The following SLC39A12 variants were observed in gnomAD, a reference collection of about 807,000 sequenced individuals.
SLC39A12 encodes the protein solute carrier family 39 member 12.
Under a neutral mutation model 71.1 loss-of-function variants are expected in SLC39A12, and 63 were observed. The ratio of observed to expected loss-of-function variants is 0.89; its 90% CI spans 0.72 to 1.09. The LOEUF is 1.09. Ranked by LOEUF, SLC39A12 falls within the 50% of genes least tolerant of loss-of-function variation. The probability of loss-of-function intolerance (pLI) is 0.00; values close to 1 mark genes in which losing one functional copy is unlikely to be tolerated. For missense variants in SLC39A12, 892 were observed against 812.6 expected (o/e 1.10, Z -1.19); for synonymous variants, 351 against 301.3 (o/e 1.16, Z -1.71).
intron 6 of SLC39A12, among the ~76,000 whole-genome samples, chr10:17,983,005 G>A (rs904327867): frequency 1.3e-5 from 2 of 150,802 alleles, no homozygotes; most frequent in Non-Finnish European, 3.0e-5. Flanking sequence ...CCTGGCTAAC[G>A]CAGTGAAACC....
chr10:17,962,353 T>G (rs1554848513), intron 3 of SLC39A12, among the ~76,000 whole-genome samples: 1 of 152,246 alleles, frequency 6.6e-6, no homozygotes, highest in African/African-American at 2.4e-5. Flanking sequence ...GATATCCCTT[T>G]GTGGTTTTGA....
At chr10:17,986,300 A>C (rs765474654) in intron 6 of SLC39A12, among the ~76,000 whole-genome samples, 6 of 152,224 alleles carry the variant, frequency 3.9e-5, no homozygotes, top group Non-Finnish European at 8.8e-5. Context: ...GAGTAACTTC[A>C]AAACAACACG....
intron 2 of SLC39A12, among the ~76,000 whole-genome samples, chr10:17,954,313 G>A (rs1335109082): frequency 1.3e-5 from 2 of 152,132 alleles, no homozygotes; most frequent in Admixed American, 6.5e-5. Flanking sequence ...GAGTGCAATG[G>A]CATAATCTTG....
chr10:18,022,587 T>G (rs1449986361), intron 12 of SLC39A12, among the ~76,000 whole-genome samples: 1 of 152,218 alleles, frequency 6.6e-6, no homozygotes, highest in African/African-American at 2.4e-5. Flanking sequence ...CTCTTGAATC[T>G]CGATGATCTT....
chr10:18,023,071 G>C (rs1334194800), intron 12 of SLC39A12, among the ~76,000 whole-genome samples: 1 of 151,970 alleles, frequency 6.6e-6, no homozygotes, highest in Non-Finnish European at 1.5e-5. Context: ...TTGAGTGCTG[G>C]TCACAGATCT....
chr10:17,984,953 C>A (rs1016196310), intron 6 of SLC39A12, among the ~76,000 whole-genome samples: 1 of 152,206 alleles, frequency 6.6e-6, no homozygotes, highest in African/African-American at 2.4e-5. Context: ...ACTGCCAACT[C>A]TATTTTAATA....
At chr10:17,992,088 C>CAA (rs59014549) in intron 8 of SLC39A12, among the ~76,000 whole-genome samples, 58 of 87,178 alleles carry the variant, frequency 6.7e-4, no homozygotes, top group African/African-American at 1.0e-3. Context: ...GACTCCATCT[C>CAA]AAAAAAAAAA....
At chr10:17,990,148 T>C (rs1034382832) in intron 7 of SLC39A12, among the ~76,000 whole-genome samples, 4 of 152,186 alleles carry the variant, frequency 2.6e-5, no homozygotes, top group African/African-American at 9.6e-5. Context: ...TTTTATGATA[T>C]TACAAATGTT....
intron 12 of SLC39A12, among the ~76,000 whole-genome samples, chr10:18,030,483 C>T (rs553226731): frequency 4.7e-4 from 72 of 152,072 alleles, no homozygotes; most frequent in South Asian, 1.2e-3. Flanking sequence ...TCGTGATCCG[C>T]CTGCCTCGGC....
chr10:18,008,158 C>T lies in SLC39A12; in HGVS notation c.1947+4800C>T, dbSNP rs183571611. On this transcript the variant is annotated intron_variant, in intron 12 of 12. Transcript: ENST00000377369. ...CCCCTGGTCCTGTTAGGAACGAGGCCGCACAGTAGGAGGTGAGCGGCAGGT... is the reference window on the plus strand; with the variant it reads ...CCCCTGGTCCTGTTAGGAACGAGGCTGCACAGTAGGAGGTGAGCGGCAGGT... 6.4e-3 allele frequency among the ~76,000 whole-genome samples: 968 copies of T among 152,238 alleles called. 2 individuals carry two copies. The highest frequency in any genetic ancestry group is 0.01 in the Non-Finnish European group (713 of 68,008).
chr10:17,993,336 C>T lies in SLC39A12; in HGVS notation c.1533+45C>T, dbSNP rs572280509. 6 of 1,240,690 alleles carry T rather than the reference C, an allele frequency of 4.8e-6. No homozygotes were observed. In the South Asian group the frequency reaches 5.3e-5, roughly 11 times the overall value. The allele number at this position is 1,240,690 out of a possible 1,614,324, so 76.9% of individuals were successfully genotyped here. ...CATTCTACTGATCTGATTACCTTCT[C>T]TCCTTTATTCCTCAATGAACAAATG... On this transcript the variant is annotated intron_variant, in intron 9 of 12. Coordinates refer to ENST00000377369, the MANE Select transcript of SLC39A12 (RefSeq NM_001145195.2).
intron 4 of SLC39A12, among the ~76,000 whole-genome samples, chr10:17,972,223 A>C (rs193288570): frequency 6.6e-6 from 1 of 152,304 alleles, no homozygotes; most frequent in East Asian, 1.9e-4. Flanking sequence ...TTTTTTAAAA[A>C]ATATGTTGAG....
chr10:17,958,056 T>C (rs1490645640), intron 2 of SLC39A12, among the ~76,000 whole-genome samples: 1 of 152,206 alleles, frequency 6.6e-6, no homozygotes, highest in Non-Finnish European at 1.5e-5. Flanking sequence ...ACCTTCCATA[T>C]TGTATGCCTT....
chr10:17,987,003 T>TCAAAAACAA (rs1304816937), intron 6 of SLC39A12, among the ~76,000 whole-genome samples: 2 of 152,038 alleles, frequency 1.3e-5, no homozygotes, highest in African/African-American at 4.8e-5. Flanking sequence ...AGAACCTGTC[T>TCAAAAACAA]CAAAAACAAC....
Position 17,965,489 on chromosome 10 carries a change from G to A in SLC39A12, c.550G>A (p.Glu184Lys), listed in dbSNP as rs1834801056. Residue 184 changes from glutamate (E) to lysine (K), a missense_variant, in exon 4 of 13, where the codon GAA (glutamate) becomes AAA (lysine). Physicochemically the swap from Glu to Lys is moderately conservative, Grantham distance 56 (BLOSUM62 1). Transcript: ENST00000377369. ...YFDTSQSQCM[E>K]TKTLQKKSGI... ...ATTTTGTATCTGATTTCAGTGTATG[G>A]AAACCAAAACGCTGCAGAAAAAATC... is the stretch of plus-strand genomic sequence containing the variant. The A allele has an allele frequency of 1.2e-6, 2 of 1,613,888 alleles. No individual in the cohort carries two copies. The highest frequency in any genetic ancestry group is 1.7e-5 in the Admixed American group (1 of 59,998).
At chr10:18,026,510 T>C (rs1024001692) in intron 12 of SLC39A12, among the ~76,000 whole-genome samples, 3 of 152,066 alleles carry the variant, frequency 2.0e-5, no homozygotes, top group African/African-American at 7.2e-5. Flanking sequence ...AGACGTAGGG[T>C]TTTTTAAAGC....
intron 5 of SLC39A12, among the ~76,000 whole-genome samples, chr10:17,979,505 G>T (rs796174378): frequency 9.2e-5 from 14 of 152,212 alleles, no homozygotes; most frequent in African/African-American, 3.4e-4. Flanking sequence ...ATCATCAAAA[G>T]TTTGTTGCCA....
At chr10:18,006,558 C>T (rs190385344) in intron 12 of SLC39A12, among the ~76,000 whole-genome samples, 115 of 152,242 alleles carry the variant, frequency 7.6e-4, no homozygotes, top group East Asian at 1.2e-3. Flanking sequence ...GAAGGACCGG[C>T]AAACTGAAAC....
chr10:18,038,608 T>A (rs924226203), intron 12 of SLC39A12, among the ~76,000 whole-genome samples: 1 of 151,960 alleles, frequency 6.6e-6, no homozygotes, highest in Admixed American at 6.6e-5. Flanking sequence ...GCTGAGATCA[T>A]GCCACTGCAC....
Sources: gnomAD v4.1 joint callset for allele counts (sites outside exome capture counted in the v4.1 genomes callset) on GRCh38, gnomAD v4.1.1 for gene constraint, MANE v1.5 for transcripts, NCBI Gene and HGNC (gene_info 2026-07-23, HGNC 2026-07-21) for gene names.